Variants in IRAK4 observed in about 807,000 individuals in gnomAD.
IRAK4 encodes the protein interleukin-1 receptor-associated kinase 4.
A neutral mutation model predicts 51.8 loss-of-function variants in IRAK4; 44 were observed. The ratio of observed to expected loss-of-function variants is 0.85; its 90% CI spans 0.67 to 1.09. IRAK4 has a LOEUF of 1.09. Among genes scored for constraint, IRAK4 ranks in the 50% least tolerant of loss-of-function variants. The pLI is 0.00. For synonymous variants in IRAK4, 149 were observed against 174.1 expected, an observed-to-expected ratio of 0.86 and a Z score of 1.13; for missense variants, 487 against 538.0, an observed-to-expected ratio of 0.91 and a Z score of 0.94.
chr12:43,770,543 C>T (rs1319501662), intron 2 of IRAK4, among the ~76,000 whole-genome samples: 1 of 152,124 alleles, frequency 6.6e-6, no homozygotes, highest in Non-Finnish European at 1.5e-5. Flanking sequence ...CATGTGTGTG[C>T]ATCCTATAAC....
rs947970606 is a variant in IRAK4 at position 43,788,085 on chromosome 12, T to C, written c.*1370T>C. The C allele has an allele frequency of 2.4e-4, 36 of 152,238 alleles. No individual in the cohort carries two copies. Among genetic ancestry groups the C allele is most frequent in the African/African-American group, 8.2e-4 (34 of 41,526 alleles). 9.4% of individuals were successfully genotyped at this position (152,238 alleles called of 1,614,324 possible). On this transcript the variant is annotated 3_prime_UTR_variant, in exon 12 of 12. Coordinates refer to ENST00000613694, the MANE Select transcript of IRAK4 (RefSeq NM_016123.4). Reference sequence around the variant, plus strand: ...TAAATAAATAAATAAATGGGTCACATTAAGCCTTTAAGTTTGTGGTAATTT... The same window carrying C: ...TAAATAAATAAATAAATGGGTCACACTAAGCCTTTAAGTTTGTGGTAATTT...
At chr12:43,785,744 G>A (rs1289077731) in intron 10 of IRAK4, among the ~76,000 whole-genome samples, 2 of 151,462 alleles carry the variant, frequency 1.3e-5, no homozygotes, top group Non-Finnish European at 2.9e-5. Context: ...CTCATAGAGT[G>A]TACTTACACA....
At chr12:43,760,021 T>G (rs1175525636) in intron 1 of IRAK4, among the ~76,000 whole-genome samples, 1 of 152,192 alleles carries the variant, frequency 6.6e-6, no homozygotes, top group African/African-American at 2.4e-5. Context: ...CCTTTTCCCT[T>G]TCTTGGAGTG....
intron 1 of IRAK4, chr12:43,759,340 C>A (rs927477853): frequency 6.6e-6 from 1 of 152,162 alleles, no homozygotes; most frequent in South Asian, 2.1e-4. Context: ...AACCCGACTG[C>A]GAAATGAAGT....
chr12:43,772,265 C>T lies in IRAK4; in HGVS notation c.393C>T (p.Asp131=). ...AACAGATGCCTTTCTGTGACAAAGACAGGACATTGATGACACCTGTGCAGA... is the reference window on the plus strand; with the variant it reads ...AACAGATGCCTTTCTGTGACAAAGATAGGACATTGATGACACCTGTGCAGA... ...QQKQMPFCDK[D]RTLMTPVQNL... Residue 131 remains aspartate (D), a synonymous_variant, in exon 4 of 12, where the codon GAC becomes GAT. Transcript: ENST00000613694. The T allele has an allele frequency of 6.2e-7, 1 of 1,613,682 alleles. No homozygotes were observed. The highest frequency in any genetic ancestry group is 8.5e-7 in the Non-Finnish European group (1 of 1,179,720).
At chr12:43,770,322 A>C (rs1386111221) in intron 2 of IRAK4, among the ~76,000 whole-genome samples, 1 of 152,184 alleles carries the variant, frequency 6.6e-6, no homozygotes, top group Admixed American at 6.5e-5. Context: ...TTTATTAAAA[A>C]TTATATAGCT....
At position 43,768,235 on chromosome 12, in the gene IRAK4, C is replaced by CCAT. The variant is rs1940377066; in HGVS notation, c.126_128dup (p.Ser43dup). On this transcript the variant is annotated inframe_insertion, in exon 2 of 12. Coordinates refer to ENST00000613694, the MANE Select transcript of IRAK4 (RefSeq NM_016123.4). ...GAAGTTAGCTGTAGCTATTAAAAAA[C>CCAT]CATCTGGTGATGATAGATACAATCA... is the stretch of plus-strand genomic sequence containing the variant. 1 of 1,612,630 alleles carries CCAT rather than the reference C, an allele frequency of 6.2e-7. No homozygotes were observed. The highest frequency in any genetic ancestry group is 1.7e-5 in the Admixed American group (1 of 59,906).
At chr12:43,770,568 T>C (rs1197248515) in intron 2 of IRAK4, among the ~76,000 whole-genome samples, 1 of 152,180 alleles carries the variant, frequency 6.6e-6, no homozygotes, top group Non-Finnish European at 1.5e-5. Context: ...TAAGTAAATA[T>C]CCAGTAAGTA....
At chr12:43,777,066 A>G (rs1324986122) in intron 6 of IRAK4, among the ~76,000 whole-genome samples, 1 of 152,144 alleles carries the variant, frequency 6.6e-6, no homozygotes, top group African/African-American at 2.4e-5. Context: ...AAGTTCCAAA[A>G]ATCTGAATTA....
chr12:43,772,119 AACTTTTTCACAACC>A, intron 3 of IRAK4, 47 bp from the exon 4 acceptor site: 1 of 1,342,206 alleles, frequency 7.5e-7, no homozygotes, highest in Non-Finnish European at 1.1e-6. Context: ...TTTCTAGTTT[AACTTTTTCACAACC>A]ACTTTTTCTT....
At chr12:43,765,439 G>A (rs1283456286) in intron 1 of IRAK4, among the ~76,000 whole-genome samples, 1 of 152,132 alleles carries the variant, frequency 6.6e-6, no homozygotes, top group East Asian at 1.9e-4. Flanking sequence ...TAAAGCATCA[G>A]TGATTTCACC....
intron 2 of IRAK4, among the ~76,000 whole-genome samples, chr12:43,769,220 T>C (rs1288232799): frequency 6.6e-6 from 1 of 152,038 alleles, no homozygotes; most frequent in African/African-American, 2.4e-5. Flanking sequence ...CTGCAAATAA[T>C]TGTGAAAAGA....
In IRAK4 at chr12:43,786,530, GAAAAAT is replaced by G; in HGVS notation, c.1323_1328del (p.Asn442_Lys443del). 6.2e-7 allele frequency: 1 copy of G among 1,613,382 alleles called. No homozygotes were observed. The highest frequency in any genetic ancestry group is 2.2e-5 in the East Asian group (1 of 44,768). ...TTGCTAGTCAATGTCTGCATGAAAAGAAAAATAAGAGACCAGACATTAAGAAGGTAT... is the reference window on the plus strand; with the variant it reads ...TTGCTAGTCAATGTCTGCATGAAAAGAAGAGACCAGACATTAAGAAGGTAT... On this transcript the variant is annotated inframe_deletion, in exon 11 of 12. Transcript: ENST00000613694.
At position 43,772,225 on chromosome 12, in the gene IRAK4, T is replaced by TA; in HGVS notation, c.355dup (p.Thr119AsnfsTer11). The stretch of plus-strand genomic sequence containing the variant: ...AATACACTACCTTCTAAAGAAGCTA[T>TA]AACAGTTCAGCAAAAACAGATGCCT... On this transcript the variant is annotated frameshift_variant, in exon 4 of 12. Transcript: ENST00000613694. LOFTEE classifies it high-confidence loss of function. The TA allele has an allele frequency of 6.2e-7, 1 of 1,613,824 alleles. No individual in the cohort carries two copies. The highest frequency in any genetic ancestry group is 8.5e-7 in the Non-Finnish European group (1 of 1,179,890).
chr12:43,772,730 CCAAA>C (rs1421810646), intron 4 of IRAK4, among the ~76,000 whole-genome samples, 178 bp from the exon 5 acceptor site: 1 of 152,098 alleles, frequency 6.6e-6, no homozygotes, highest in Non-Finnish European at 1.5e-5. Flanking sequence ...GGTAGGATCA[CCAAA>C]CAGAGTTCTC....
chr12:43,769,642 AC>A (rs1417000152), intron 2 of IRAK4, among the ~76,000 whole-genome samples: 1 of 152,088 alleles, frequency 6.6e-6, no homozygotes, highest in African/African-American at 2.4e-5. Flanking sequence ...ACAGAGCAAG[AC>A]CCCCTCAATA....
rs1228803501 is a variant in IRAK4 at position 43,787,909 on chromosome 12, T to C, written c.*1194T>C. On this transcript the variant is annotated 3_prime_UTR_variant, in exon 12 of 12. Coordinates refer to ENST00000613694, the MANE Select transcript of IRAK4 (RefSeq NM_016123.4). ...CCGTCTCTACTAAAAATACAAAAAT[T>C]AGACGAGCGTGGTGGTGGACACCTG... 2.0e-5 allele frequency: 3 copies of C among 151,986 alleles called. No individual in the cohort carries two copies. Among genetic ancestry groups the C allele is most frequent in the Non-Finnish European group, 4.4e-5 (3 of 68,084 alleles). 9.4% of individuals were successfully genotyped at this position (151,986 alleles called of 1,614,324 possible). A position where few individuals can be genotyped will look rare whatever the true frequency, so the allele number is the denominator to read the frequency against.
At position 43,777,512 on chromosome 12, in the gene IRAK4, A is replaced by G. The variant is rs1457708999; in HGVS notation, c.717-118A>G. 1.1e-5 allele frequency: 9 copies of G among 811,782 alleles called. No homozygotes were observed. In the African/African-American group the frequency reaches 1.6e-4, roughly 14 times the overall value. The allele number at this position is 811,782 out of a possible 1,614,324, so 50.3% of individuals were successfully genotyped here. On this transcript the variant is annotated intron_variant, in intron 6 of 11. Transcript: ENST00000613694. ...TAAACATAAACATCAAGTTAGAAAT[A>G]ATATATAACATACTATTTTTTTGCT...
intron 2 of IRAK4, 146 bp from the exon 3 acceptor site, chr12:43,771,074 C>G (rs1940707990): frequency 1.3e-6 from 1 of 759,036 alleles, no homozygotes. Context: ...GATGCAGCCT[C>G]TCGATCTTGG....
Sources: gnomAD v4.1 joint callset for allele counts (sites outside exome capture counted in the v4.1 genomes callset) on GRCh38, gnomAD v4.1.1 for gene constraint, MANE v1.5 for transcripts, NCBI Gene and HGNC (gene_info 2026-07-23, HGNC 2026-07-21) for gene names.